Variants in ZFHX3 observed in about 807,000 individuals in gnomAD.
The protein encoded by ZFHX3 is zinc finger homeobox 3, also known as zinc finger homeobox protein 3.
In ZFHX3, 42 loss-of-function variants were observed where a neutral mutation model predicts 279.1. The ratio of observed to expected loss-of-function variants is 0.15; its 90% CI spans 0.12 to 0.19. The LOEUF (loss-of-function observed/expected upper bound fraction) is 0.19, where lower values mean the gene tolerates loss of function less well. Ranked by LOEUF, ZFHX3 falls within the 10% of genes least tolerant of loss-of-function variation. The pLI is 1.00. For missense variants in ZFHX3, 4,981 were observed against 4,754.0 expected (o/e 1.05, Z -1.40); for synonymous variants, 2,293 against 1,957.8 (o/e 1.17, Z -4.52).
Position 73,523,621 on chromosome 16 carries a change from G to GTT in ZFHX3, c.-1546-67365_-1546-67364dup, listed in dbSNP as rs3087040. On this transcript the variant is annotated intron_variant, in intron 2 of 17. Coordinates refer to the ZFHX3 transcript ENST00000641206. Reference sequence around the variant, plus strand: ...GTAGGGGGCAGGGAATGGAAGCTGGGTTTTTTTTTTTTTTTTCATATGTAT... The same window carrying GTT: ...GTAGGGGGCAGGGAATGGAAGCTGGGTTTTTTTTTTTTTTTTTTCATATGTAT... Among the ~76,000 whole-genome samples, 854 of 144,176 alleles carry GTT rather than the reference G, an allele frequency of 5.9e-3. 12 individuals are homozygous for GTT. The highest frequency in any genetic ancestry group is 0.017 in the African/African-American group (665 of 39,204). 94.6% of individuals were successfully genotyped at this position (144,176 alleles called of 152,430 possible).
intron 3 of ZFHX3, among the ~76,000 whole-genome samples, chr16:73,404,940 T>C (rs1271514456): frequency 1.3e-5 from 2 of 152,168 alleles, no homozygotes; most frequent in Non-Finnish European, 2.9e-5. Flanking sequence ...TCCAAGCACT[T>C]ATGAGCTTGT....
chr16:73,052,344 T>C (rs577520384), upstream of ZFHX3, among the ~76,000 whole-genome samples: 1 of 152,284 alleles, frequency 6.6e-6, no homozygotes, highest in South Asian at 2.1e-4. Context: ...GTTTATTTTT[T>C]TTTTTTAATG....
chr16:72,850,585 C>T (rs747291599), intron 4 of ZFHX3, among the ~76,000 whole-genome samples: 6 of 152,050 alleles, frequency 3.9e-5, no homozygotes, highest in Middle Eastern at 6.4e-3. Flanking sequence ...AACCATGGAC[C>T]ATGGTAGAGC....
At chr16:73,427,634 T>C (rs1056338428) in intron 3 of ZFHX3, among the ~76,000 whole-genome samples, 22 of 152,250 alleles carry the variant, frequency 1.4e-4, no homozygotes, top group African/African-American at 5.3e-4. Flanking sequence ...AGCCACTGAC[T>C]AGCATTAAGA....
chr16:72,955,702 C>A (rs868576320), intron 2 of ZFHX3, among the ~76,000 whole-genome samples: 1 of 140,768 alleles, frequency 7.1e-6, no homozygotes, highest in Non-Finnish European at 1.5e-5. Flanking sequence ...CGCTTGAACA[C>A]AGGAGGTGGA....
intron 8 of ZFHX3, among the ~76,000 whole-genome samples, chr16:73,082,131 C>A (rs1054476457): frequency 6.6e-6 from 1 of 152,106 alleles, no homozygotes; most frequent in Admixed American, 6.5e-5. Context: ...GCCACCGCAT[C>A]CAGCCCTCGT....
intron 3 of ZFHX3, among the ~76,000 whole-genome samples, chr16:73,435,553 C>A (rs990229840): frequency 6.6e-6 from 1 of 152,130 alleles, no homozygotes; most frequent in Admixed American, 6.6e-5. Context: ...TCCGTAGCAA[C>A]TTGTGTCCTT....
intron 2 of ZFHX3, among the ~76,000 whole-genome samples, chr16:73,550,128 C>T (rs1259484883): frequency 1.3e-5 from 2 of 152,152 alleles, no homozygotes; most frequent in Admixed American, 6.5e-5. Flanking sequence ...TGCTGGTCTC[C>T]GAGGTGAGGC....
At chr16:73,199,907 A>T (rs896882303) in intron 5 of ZFHX3, among the ~76,000 whole-genome samples, 1 of 152,232 alleles carries the variant, frequency 6.6e-6, no homozygotes, top group African/African-American at 2.4e-5. Context: ...TTCTTAGTGA[A>T]AAAAAAGAAA....
At position 73,585,569 on chromosome 16, in the gene ZFHX3, C is replaced by T. The variant is rs538639280; in HGVS notation, c.-1547+94611G>A. Among the ~76,000 whole-genome samples, 3 of 152,186 alleles carry T rather than the reference C, an allele frequency of 2.0e-5. 1 individual carries two copies. The highest frequency in any genetic ancestry group is 7.2e-5 in the African/African-American group (3 of 41,524). ...GACACATGTTTACCTATGTAACAAA[C>T]CTGCACATCCAGCACATGTATCCCA... On this transcript the variant is annotated intron_variant, in intron 2 of 17. Coordinates refer to the ZFHX3 transcript ENST00000641206.
intron 3 of ZFHX3, among the ~76,000 whole-genome samples, chr16:72,910,560 C>T (rs530565654): frequency 9.2e-5 from 14 of 152,312 alleles, no homozygotes; most frequent in African/African-American, 1.9e-4. Flanking sequence ...AAATGATTCT[C>T]ATAAGCACCT....
chr16:72,939,922 G>A (rs778557789), intron 3 of ZFHX3, among the ~76,000 whole-genome samples: 4 of 152,040 alleles, frequency 2.6e-5, no homozygotes, highest in Non-Finnish European at 5.9e-5. Flanking sequence ...GGGACTATAA[G>A]CACCACCACA....
At chr16:73,839,037 G>A (rs2142366894) in intron 1 of ZFHX3, among the ~76,000 whole-genome samples, 1 of 152,150 alleles carries the variant, frequency 6.6e-6, no homozygotes, top group African/African-American at 2.4e-5. Flanking sequence ...TCAAAGGGAA[G>A]CATCCCAGGC....
intron 1 of ZFHX3, among the ~76,000 whole-genome samples, chr16:73,724,024 T>G (rs1034398478): frequency 6.6e-6 from 1 of 152,228 alleles, no homozygotes; most frequent in Non-Finnish European, 1.5e-5. Flanking sequence ...ATTCGATGAT[T>G]TTTTCATAAA....
chr16:73,093,364 C>A, exon 8 of ZFHX3: 1 of 413,648 alleles, frequency 2.4e-6, no homozygotes, highest in South Asian at 1.8e-5. Flanking sequence ...CTGAAAGCCA[C>A]AGGGGACGAC....
intron 2 of ZFHX3, among the ~76,000 whole-genome samples, chr16:73,593,739 A>G (rs924041263): frequency 6.6e-6 from 1 of 152,180 alleles, no homozygotes; most frequent in African/African-American, 2.4e-5. Context: ...TTTTACGGAC[A>G]CTGAGGGATG....
At chr16:73,424,473 G>A (rs1334981949) in intron 3 of ZFHX3, among the ~76,000 whole-genome samples, 1 of 152,046 alleles carries the variant, frequency 6.6e-6, no homozygotes, top group Non-Finnish European at 1.5e-5. Context: ...CAACAATCTG[G>A]GCTACTGATG....
At chr16:73,856,024 A>C (rs1304101557) in intron 1 of ZFHX3, among the ~76,000 whole-genome samples, 1 of 152,238 alleles carries the variant, frequency 6.6e-6, no homozygotes, top group African/African-American at 2.4e-5. Context: ...GCCACTAAAA[A>C]AATCAGGTCA....
At chr16:72,930,882 G>A (rs184040206) in intron 3 of ZFHX3, among the ~76,000 whole-genome samples, 1 of 152,248 alleles carries the variant, frequency 6.6e-6, no homozygotes, top group East Asian at 1.9e-4. Context: ...TCACTGAGCC[G>A]TACCCCACAT....
Sources: gnomAD v4.1 joint callset for allele counts (sites outside exome capture counted in the v4.1 genomes callset) on GRCh38, gnomAD v4.1.1 for gene constraint, MANE v1.5 for transcripts, NCBI Gene and HGNC (gene_info 2026-07-23, HGNC 2026-07-21) for gene names.